ANP32E: variants seen among roughly 807,000 people sequenced by gnomAD.
The protein encoded by ANP32E is acidic nuclear phosphoprotein 32 family member E.
In ANP32E, 14 loss-of-function variants were observed where a neutral mutation model predicts 35.3. The observed-to-expected ratio is 0.40, with a 90% CI of 0.26 to 0.62. The LOEUF is 0.62. Among genes scored for constraint, ANP32E ranks in the 20% least tolerant of loss-of-function variants. The pLI is 0.45. For synonymous variants in ANP32E, 89 were observed against 110.4 expected (o/e 0.81, Z 1.22); for missense variants, 198 against 304.4 (o/e 0.65, Z 2.60).
At position 150,235,994 on chromosome 1, in the gene ANP32E, A is replaced by G; in HGVS notation, c.-208T>C. The G allele has an allele frequency of 1.7e-6, 1 of 573,060 alleles. No individual in the cohort carries two copies. The highest frequency in any genetic ancestry group is 3.0e-5 in the East Asian group (1 of 33,722). 35.5% of individuals were successfully genotyped at this position (573,060 alleles called of 1,614,324 possible). A position where few individuals can be genotyped will look rare whatever the true frequency, so the allele number is the denominator to read the frequency against. On this transcript the variant is annotated 5_prime_UTR_variant, in exon 1 of 7. Coordinates refer to ENST00000583931, the MANE Select transcript of ANP32E (RefSeq NM_030920.5). This position sits in a 1 kb window ranked among gnomAD's most constrained non-coding sequence, Gnocchi z 4.2. ...TTGGGACTCTAACTCAGCTGCCCCC[A>G]CCTCCTTGTCCACACACTAGCGCGC...
rs902632629 is a variant in ANP32E at position 150,222,346 on chromosome 1, G to A, written c.736+840C>T. ...AGGCAGGAGAATGGCGTGAACCCGG[G>A]AGGCAGAGCTTGCAGTGAACTGAGA... On this transcript the variant is annotated intron_variant, in intron 6 of 6. Coordinates refer to ENST00000583931, the MANE Select transcript of ANP32E (RefSeq NM_030920.5). 1.1e-4 allele frequency among the ~76,000 whole-genome samples: 16 copies of A among 151,646 alleles called. No individual in the cohort carries two copies. The East Asian group carries it at 1.5e-3, about 15-fold the overall frequency.
At chr1:150,231,010 T>C (rs2101788649) in intron 2 of ANP32E, among the ~76,000 whole-genome samples, 1 of 152,328 alleles carries the variant, frequency 6.6e-6, no homozygotes, top group Admixed American at 6.5e-5. Context: ...CCCAAAGTGC[T>C]GGGATTACAG....
At chr1:150,233,367 CA>C (rs1649528016) in intron 1 of ANP32E, among the ~76,000 whole-genome samples, 2 of 150,646 alleles carry the variant, frequency 1.3e-5, no homozygotes, top group Non-Finnish European at 3.0e-5. Flanking sequence ...CATCATAACT[CA>C]AAAAATCCTC....
chr1:150,227,684 A>C (rs1364347868), intron 4 of ANP32E, among the ~76,000 whole-genome samples: 1 of 151,416 alleles, frequency 6.6e-6, no homozygotes, highest in Non-Finnish European at 1.5e-5. Context: ...AAACCTCAGC[A>C]TCATGCAATA....
At chr1:150,224,534 A>G (rs1553839224) in intron 5 of ANP32E, among the ~76,000 whole-genome samples, 1 of 151,642 alleles carries the variant, frequency 6.6e-6, no homozygotes, top group East Asian at 1.9e-4. Flanking sequence ...AGATCGCACC[A>G]CCCACTCCAG....
chr1:150,227,408 A>G (rs1648960331), intron 4 of ANP32E, among the ~76,000 whole-genome samples: 1 of 152,208 alleles, frequency 6.6e-6, no homozygotes. Context: ...ATGGAATACT[A>G]CACAGCCATA....
At position 150,226,725 on chromosome 1, in the gene ANP32E, C is replaced by CCTTCCGGTGGACCAGCTTCATTT. The variant is rs1553840195; in HGVS notation, c.563_564insAAATGAAGCTGGTCCACCGGAAG (p.Glu189AsnfsTer41). ...CCTCATCCTCCTCTTCCTCTTCCTC[C>CCTTCCGGTGGACCAGCTTCATTT]TCCTCTTCCTCATATCCTTCCGGTG... On this transcript the variant is annotated frameshift_variant, in exon 5 of 7. Transcript: ENST00000583931. LOFTEE classifies it high-confidence loss of function. The CCTTCCGGTGGACCAGCTTCATTT allele has an allele frequency of 6.3e-7, 1 of 1,575,368 alleles. No individual in the cohort carries two copies. Among genetic ancestry groups the CCTTCCGGTGGACCAGCTTCATTT allele is most frequent in the Admixed American group, 1.7e-5 (1 of 58,808 alleles).
intron 5 of ANP32E, among the ~76,000 whole-genome samples, chr1:150,225,065 C>G (rs1368484579): frequency 6.6e-6 from 1 of 152,130 alleles, no homozygotes; most frequent in African/African-American, 2.4e-5. Context: ...TCAGAGGTAA[C>G]AGATGGAGGA....
chr1:150,235,712 G>A lies in ANP32E; in HGVS notation c.54+21C>T. ...AGAATACTGGACTGATGGGGAAGCG[G>A]TGGGGGCTGAGTCATCTCACCTCCT... On this transcript the variant is annotated intron_variant, in intron 1 of 6. Coordinates refer to ENST00000583931, the MANE Select transcript of ANP32E (RefSeq NM_030920.5). The surrounding 1 kb of genome is among the most constrained non-coding windows in gnomAD (Gnocchi z 4.2). The A allele has an allele frequency of 6.2e-7, 1 of 1,613,540 alleles. No individual in the cohort carries two copies. Among genetic ancestry groups the A allele is most frequent in the Non-Finnish European group, 8.5e-7 (1 of 1,179,770 alleles).
In ANP32E at chr1:150,229,298, C is replaced by CTTTTTTTTTT. The variant is rs368884324; in HGVS notation, c.328-71_328-62dup. The stretch of plus-strand genomic sequence containing the variant: ...TAAAATACCATGTTATTTCTTTTTT[C>CTTTTTTTTTT]TTTTTTTTTTTTTTTTTTTGAGACG... On this transcript the variant is annotated intron_variant, in intron 3 of 6. Transcript: ENST00000583931. 1.2e-3 allele frequency: 507 copies of CTTTTTTTTTT among 430,888 alleles called. 1 individual carries two copies. Among genetic ancestry groups the CTTTTTTTTTT allele is most frequent in the Admixed American group, 2.3e-3 (39 of 17,218 alleles). The allele number at this position is 430,888 out of a possible 1,614,324, so 26.7% of individuals were successfully genotyped here. A position where few individuals can be genotyped will look rare whatever the true frequency, so the allele number is the denominator to read the frequency against.
intron 2 of ANP32E, among the ~76,000 whole-genome samples, chr1:150,231,316 C>T (rs188053100): frequency 9.6e-4 from 146 of 152,182 alleles, no homozygotes; most frequent in Non-Finnish European, 1.8e-3. Context: ...ATTTCTAGAC[C>T]GGGCACAGAG....
intron 6 of ANP32E, 87 bp from the exon 7 acceptor site, chr1:150,220,848 G>A (rs1425309181): frequency 8.3e-7 from 1 of 1,201,078 alleles, no homozygotes; most frequent in East Asian, 2.4e-5. Flanking sequence ...AAAAGTTAAT[G>A]GCAAGGCCTA....
rs997790854 is a variant in ANP32E, at chr1:150,226,654, C to G, written c.635G>C (p.Gly212Ala). Residue 212 changes from glycine to alanine, a missense_variant, in exon 5 of 7, where the codon GGA (glycine) becomes GCA (alanine). Physicochemically the swap from Gly to Ala is moderately conservative, Grantham distance 60. Transcript: ENST00000583931. ...GTATGAGAGGCCCACTTCCTCTTCT[C>G]CCTCTCCCAACTCTGAACCTGCTTC... The part of the protein sequence containing the change: ...EDEAGSELGE[G>A]EEEVGLSYLM... The G allele has an allele frequency of 2.5e-6, 4 of 1,613,072 alleles. No homozygotes were observed. The highest frequency in any genetic ancestry group is 3.4e-6 in the Non-Finnish European group (4 of 1,179,370).
Position 150,235,616 on chromosome 1 carries a change from C to G in ANP32E, c.54+117G>C, listed in dbSNP as rs1364328372. On this transcript the variant is annotated intron_variant, in intron 1 of 6. Transcript: ENST00000583931. This position sits in a 1 kb window ranked among gnomAD's most constrained non-coding sequence, Gnocchi z 4.2. ...ATTAAACATTTCCCCAACCCTAACC[C>G]GGGGGGATGGGGGCTAACTTATTAC... The G allele has an allele frequency of 9.1e-7, 1 of 1,101,014 alleles. No homozygotes were observed. The highest frequency in any genetic ancestry group is 1.3e-6 in the Non-Finnish European group (1 of 752,922). 68.2% of individuals were successfully genotyped at this position (1,101,014 alleles called of 1,614,324 possible).
At position 150,220,757 on chromosome 1, in the gene ANP32E, T is replaced by C. The variant is rs1314500540; in HGVS notation, c.741A>G (p.Glu247=). 5 of 1,613,488 alleles carry C rather than the reference T, an allele frequency of 3.1e-6. No individual in the cohort carries two copies. Among genetic ancestry groups the C allele is most frequent in the Non-Finnish European group, 4.2e-6 (5 of 1,179,572 alleles). The change falls in exon 7 of 7, where the codon GAA becomes GAG. Residue 247 remains glutamate (E), a synonymous_variant. Coordinates refer to ENST00000583931, the MANE Select transcript of ANP32E (RefSeq NM_030920.5). ...EEGEEEEEEE[E]GGLRGEKRKR... is the part of the protein sequence containing the mutation. ...TCCTCTTCTCCCCTCGAAGACCTCC[T>C]TCTTCTTAAAGAGTGGAAAGAAAAA...
In ANP32E at chr1:150,226,689, TTCATCC is replaced by T. The variant is rs781798355; in HGVS notation, c.594_599del (p.Asp203_Glu204del). ...ACTCTGAACCTGCTTCATCTTCATCTTCATCCTCATCCTCATCCTCCTCTTCCTCTT... is the reference window on the plus strand; with the variant it reads ...ACTCTGAACCTGCTTCATCTTCATCTTCATCCTCATCCTCCTCTTCCTCTT... On this transcript the variant is annotated inframe_deletion, in exon 5 of 7. Transcript: ENST00000583931. 210 of 1,593,912 alleles carry T rather than the reference TTCATCC, an allele frequency of 1.3e-4. 1 individual carries two copies. The East Asian group carries it at 1.4e-3, about 11-fold the overall frequency.
At position 150,235,847 on chromosome 1, in the gene ANP32E, C is replaced by A. The variant is rs1199489942; in HGVS notation, c.-61G>T. The A allele has an allele frequency of 1.9e-5, 24 of 1,283,420 alleles. No homozygotes were observed. The Admixed American group carries it at 4.8e-4, about 26-fold the overall frequency. 79.5% of individuals were successfully genotyped at this position (1,283,420 alleles called of 1,614,324 possible). A position where few individuals can be genotyped will look rare whatever the true frequency, so the allele number is the denominator to read the frequency against. On this transcript the variant is annotated 5_prime_UTR_variant, in exon 1 of 7. Transcript: ENST00000583931. This position sits in a 1 kb window ranked among gnomAD's most constrained non-coding sequence, Gnocchi z 4.2. ...TCCCTTTCCTGCCTTCCCCAATACC[C>A]CCAACCCAAAATTTTTAAGAGATTT...
intron 6 of ANP32E, among the ~76,000 whole-genome samples, chr1:150,221,115 C>CAA (rs34843209): frequency 0.57 from 39,074 of 68,866 alleles, 12,905 homozygotes; most frequent in Middle Eastern, 0.61. Flanking sequence ...ACTTTGTCTC[C>CAA]AAAAAAAAAA....
At chr1:150,231,401 T>C (rs1477514145) in intron 2 of ANP32E, among the ~76,000 whole-genome samples, 1 of 151,938 alleles carries the variant, frequency 6.6e-6, no homozygotes, top group African/African-American at 2.4e-5. Context: ...TTGAAACCAG[T>C]CTGGACAACA....
Sources: allele counts gnomAD v4.1 joint callset (sites outside exome capture counted in the v4.1 genomes callset), GRCh38; gene constraint gnomAD v4.1.1; non-coding constraint Gnocchi (gnomAD v3.1); transcripts MANE v1.5; gene names NCBI Gene and HGNC (gene_info 2026-07-23, HGNC 2026-07-21).